AKAP6: variants seen among roughly 807,000 people sequenced by gnomAD.
AKAP6 encodes A-kinase anchoring protein 6.
A neutral mutation model predicts 188.5 loss-of-function variants in AKAP6; 58 were observed. The observed-to-expected ratio is 0.31, with a 90% CI of 0.25 to 0.38. The LOEUF is 0.38. Among genes scored for constraint, AKAP6 ranks in the 10% least tolerant of loss-of-function variants. AKAP6 has a pLI of 1.00. For synonymous variants in AKAP6, 989 were observed against 998.6 expected, an observed-to-expected ratio of 0.99 and a Z score of 0.18; for missense variants, 2,710 against 2,740.0, an observed-to-expected ratio of 0.99 and a Z score of 0.24.
intron 1 of AKAP6, among the ~76,000 whole-genome samples, chr14:32,353,053 ATT>A (rs35526201): frequency 2.7e-5 from 4 of 149,638 alleles, no homozygotes; most frequent in African/African-American, 7.3e-5. Flanking sequence ...TCATACCAGC[ATT>A]TTTTTTTTGT....
intron 1 of AKAP6, among the ~76,000 whole-genome samples, chr14:32,413,179 T>C (rs1029607537): frequency 7.4e-5 from 2 of 27,108 alleles, no homozygotes; most frequent in Admixed American, 8.0e-4. Flanking sequence ...ATTGAAATTT[T>C]TTTTTTTTTT....
At chr14:32,470,332 C>T (rs1335456463) in intron 2 of AKAP6, among the ~76,000 whole-genome samples, 1 of 152,142 alleles carries the variant, frequency 6.6e-6, no homozygotes, top group African/African-American at 2.4e-5. Flanking sequence ...TCTTGTATCC[C>T]ACCCTACCCA....
chr14:32,371,408 C>T (rs1888001588), intron 1 of AKAP6, among the ~76,000 whole-genome samples: 2 of 152,086 alleles, frequency 1.3e-5, no homozygotes, highest in South Asian at 4.2e-4. Context: ...GTGAGACCTC[C>T]ATCTCTACAA....
intron 9 of AKAP6, among the ~76,000 whole-genome samples, chr14:32,729,889 C>G (rs2031088784): frequency 6.6e-6 from 1 of 152,142 alleles, no homozygotes; most frequent in African/African-American, 2.4e-5. Context: ...AGCCTCTGCT[C>G]ACTTACTGCT....
chr14:32,511,734 C>T (rs1217724630), intron 2 of AKAP6, among the ~76,000 whole-genome samples: 3 of 152,056 alleles, frequency 2.0e-5, no homozygotes, highest in African/African-American at 7.2e-5. Flanking sequence ...TACTTTTGGC[C>T]ACACATTTTT....
chr14:32,400,342 A>G (rs1364017749), intron 1 of AKAP6, among the ~76,000 whole-genome samples: 1 of 151,604 alleles, frequency 6.6e-6, no homozygotes, highest in Non-Finnish European at 1.5e-5. Flanking sequence ...TCCATGTGTC[A>G]TTTACACACA....
At chr14:32,752,349 C>T (rs1022814936) in intron 11 of AKAP6, among the ~76,000 whole-genome samples, 1 of 152,118 alleles carries the variant, frequency 6.6e-6, no homozygotes, top group African/African-American at 2.4e-5. Flanking sequence ...TCTTGCAGAG[C>T]ATGTTTCAAC....
At chr14:32,442,640 TAA>T (rs5807659) in intron 2 of AKAP6, 106 of 147,428 alleles carry the variant, frequency 7.2e-4, no homozygotes, top group Admixed American at 2.8e-3. Flanking sequence ...TCCCGTCTCT[TAA>T]AAAAAAAAAA....
chr14:32,610,238 A>T (rs926171036), intron 7 of AKAP6, among the ~76,000 whole-genome samples: 1 of 152,182 alleles, frequency 6.6e-6, no homozygotes, highest in Non-Finnish European at 1.5e-5. Context: ...ACCCTCCATA[A>T]CAAGGGAAAG....
In AKAP6 at chr14:32,821,483, A is replaced by G; in HGVS notation, c.3670A>G (p.Ile1224Val). ...TGCCCTGGAATGGGATGAAATGGAC[A>G]TAAGTAACAAGTTAATTAGTTTGAA... ...EDALEWDEMDISNKLISLNEE... is the reference protein window; with the variant it reads ...EDALEWDEMDVSNKLISLNEE... The change falls in exon 13 of 14, where the codon ATA becomes GTA. Residue 1224 changes from isoleucine (I) to valine (V), a missense_variant. Around this residue, in one of 2 missense-constraint regions of AKAP6, gnomAD observed 2,473 missense variants for 2,426.1 expected, o/e 1.02. Coordinates refer to ENST00000280979, the MANE Select transcript of AKAP6 (RefSeq NM_004274.5). 1 of 1,613,716 alleles carries G rather than the reference A, an allele frequency of 6.2e-7. No individual in the cohort carries two copies. Among genetic ancestry groups the G allele is most frequent in the Non-Finnish European group, 8.5e-7 (1 of 1,179,764 alleles).
At chr14:32,522,509 C>G (rs1881895775) in intron 2 of AKAP6, among the ~76,000 whole-genome samples, 2 of 152,012 alleles carry the variant, frequency 1.3e-5, no homozygotes, top group Admixed American at 1.3e-4. Flanking sequence ...TCAAACAACC[C>G]CAACAAAAAG....
intron 1 of AKAP6, among the ~76,000 whole-genome samples, chr14:32,417,029 G>C (rs1889683146): frequency 6.6e-6 from 1 of 151,840 alleles, no homozygotes; most frequent in South Asian, 2.1e-4. Context: ...TTTAGTAGAG[G>C]TGGAGTTTGA....
intron 11 of AKAP6, among the ~76,000 whole-genome samples, chr14:32,756,663 G>T (rs1453980590): frequency 6.6e-6 from 1 of 152,164 alleles, no homozygotes; most frequent in East Asian, 1.9e-4. Flanking sequence ...GGCTATCTCT[G>T]CAGGAGCTAG....
intron 2 of AKAP6, among the ~76,000 whole-genome samples, chr14:32,492,433 G>A (rs750614664): frequency 5.3e-5 from 8 of 150,444 alleles, no homozygotes; most frequent in Non-Finnish European, 1.0e-4. Context: ...AACTTTCAGT[G>A]TGTGGCAGAT....
At chr14:32,397,867 A>G (rs943791006) in intron 1 of AKAP6, among the ~76,000 whole-genome samples, 1 of 152,190 alleles carries the variant, frequency 6.6e-6, no homozygotes, top group Non-Finnish European at 1.5e-5. Flanking sequence ...GGAAAATGCA[A>G]CACTGAGGTC....
At chr14:32,550,742 G>A (rs190517373) in intron 4 of AKAP6, among the ~76,000 whole-genome samples, 109 of 152,222 alleles carry the variant, frequency 7.2e-4, no homozygotes, top group African/African-American at 2.4e-3. Context: ...CATCTGCTAG[G>A]CATTTTACCT....
intron 2 of AKAP6, among the ~76,000 whole-genome samples, chr14:32,486,584 A>G (rs1879708866): frequency 6.6e-6 from 1 of 152,190 alleles, no homozygotes; most frequent in South Asian, 2.1e-4. Flanking sequence ...AGCAATTGTG[A>G]ATGGGAGTTC....
intron 11 of AKAP6, among the ~76,000 whole-genome samples, chr14:32,745,491 C>CTG (rs2031864206): frequency 8.7e-6 from 1 of 115,134 alleles, no homozygotes; most frequent in Non-Finnish European, 2.1e-5. Context: ...CTCTCTCTCT[C>CTG]TCTCTGTCTC....
At chr14:32,352,218 G>A (rs1038933588) in intron 1 of AKAP6, among the ~76,000 whole-genome samples, 1 of 150,194 alleles carries the variant, frequency 6.7e-6, no homozygotes, top group Non-Finnish European at 1.5e-5. Flanking sequence ...GTCTTTCATT[G>A]GTTAGCTTCA....
Sources: allele counts gnomAD v4.1 joint callset (sites outside exome capture counted in the v4.1 genomes callset), GRCh38; gene constraint gnomAD v4.1.1; regional missense constraint gnomAD v4.1.1; transcripts MANE v1.5; gene names NCBI Gene and HGNC (gene_info 2026-07-23, HGNC 2026-07-21).